Variants in FBXW8 observed in about 807,000 individuals in gnomAD.
FBXW8 encodes the protein F-box and WD repeat domain containing 8.
In FBXW8, 57 loss-of-function variants were observed where a neutral mutation model predicts 65.3. The observed-to-expected ratio is 0.87, with a 90% CI of 0.71 to 1.09. The LOEUF is 1.09. FBXW8 is among the 50% of genes least tolerant of loss of function. The pLI is 0.00. For missense variants in FBXW8, 777 were observed against 814.8 expected (o/e 0.95, Z 0.57); for synonymous variants, 308 against 330.2 (o/e 0.93, Z 0.73).
chr12:116,960,247 G>A (rs1459435719), intron 4 of FBXW8, among the ~76,000 whole-genome samples: 3 of 152,170 alleles, frequency 2.0e-5, no homozygotes, highest in Admixed American at 6.5e-5. Context: ...CCCTACCAAA[G>A]ATGTCTGTTT....
chr12:117,013,343 C>T lies in FBXW8; in HGVS notation c.1367+2893C>T, dbSNP rs117778743. Among the ~76,000 whole-genome samples, 651 of 152,208 alleles carry T rather than the reference C, an allele frequency of 4.3e-3. 2 individuals are homozygous for T. Among genetic ancestry groups the T allele is most frequent in the Admixed American group, 7.3e-3 (111 of 15,290 alleles). The stretch of plus-strand genomic sequence containing the variant: ...TTAATGTTAGAGTATGCTTTTCCCT[C>T]GCTGGGAGGGAAGGCTTGTAAAGAT... On this transcript the variant is annotated intron_variant, in intron 8 of 10. Transcript: ENST00000652555.
At position 116,972,898 on chromosome 12, in the gene FBXW8, A is replaced by G. The variant is rs565516215; in HGVS notation, c.835+8044A>G. On this transcript the variant is annotated intron_variant, in intron 5 of 10. Coordinates refer to ENST00000652555, the MANE Select transcript of FBXW8 (RefSeq NM_153348.3). ...CAGCCCAGCTGTTGAAAGTATCACT[A>G]TCTACTAAAAGGAACCAGGGATGCT... Among the ~76,000 whole-genome samples, 56 of 152,070 alleles carry G rather than the reference A, an allele frequency of 3.7e-4. 1 individual carries two copies. The South Asian group carries it at 0.011, about 30-fold the overall frequency.
chr12:117,002,976 A>T (rs1156434835), intron 7 of FBXW8: 2 of 152,222 alleles, frequency 1.3e-5, no homozygotes, highest in African/African-American at 4.8e-5. Context: ...CAGAATAGCA[A>T]TGTGGGTCGT....
At position 116,961,554 on chromosome 12, in the gene FBXW8, A is replaced by T. The variant is rs1290358974; in HGVS notation, c.678-3143A>T. On this transcript the variant is annotated intron_variant, in intron 4 of 10. Transcript: ENST00000652555. This position sits in a 1 kb window ranked among gnomAD's most constrained non-coding sequence, Gnocchi z 4.4. ...GGTCTCATAATTAAAATTTCATTCA[A>T]TAAGGTGTTAAGATGTAAGACTTTA... is the stretch of plus-strand genomic sequence containing the variant. Among the ~76,000 whole-genome samples, 1 of 152,148 alleles carries T rather than the reference A, an allele frequency of 6.6e-6. No homozygotes were observed. Among genetic ancestry groups the T allele is most frequent in the Admixed American group, 6.5e-5 (1 of 15,270 alleles).
intron 4 of FBXW8, among the ~76,000 whole-genome samples, chr12:116,964,349 T>A (rs992260053): frequency 3.9e-5 from 6 of 152,228 alleles, no homozygotes. Context: ...ATAGTGGGGC[T>A]TATACAAATT....
chr12:117,018,779 T>C (rs1224252747), intron 8 of FBXW8, among the ~76,000 whole-genome samples: 1 of 152,200 alleles, frequency 6.6e-6, no homozygotes, highest in African/African-American at 2.4e-5. Context: ...TCCATGCTGG[T>C]ATCTAAATAC....
rs910685037 is a variant in FBXW8 at position 117,030,816 on chromosome 12, C to T, written c.*2644C>T. 2.6e-5 allele frequency: 4 copies of T among 152,240 alleles called. No homozygotes were observed. Among genetic ancestry groups the T allele is most frequent in the African/African-American group, 9.6e-5 (4 of 41,458 alleles). The allele number at this position is 152,240 out of a possible 1,614,324, so 9.4% of individuals were successfully genotyped here. The stretch of plus-strand genomic sequence containing the variant: ...CAGTGTTTTCTACTGCAAACCTCCA[C>T]ATCCTGGAATCAATCACACTGACAG... On this transcript the variant is annotated 3_prime_UTR_variant, in exon 11 of 11. Transcript: ENST00000652555.
Position 116,949,632 on chromosome 12 carries a change from C to G in FBXW8, c.603C>G (p.Ala201=), listed in dbSNP as rs753094701. The change falls in exon 4 of 11, where the codon GCC becomes GCG. Residue 201 remains alanine, a synonymous_variant. Transcript: ENST00000652555. ...LRTNWKNRKG[A]VSELEHVPDT... is the part of the protein sequence containing the mutation. ...TCCTCACGCAGAATCGCAAAGGTGCCGTGAGCGAGCTGGAGCATGTTCCTG... is the reference window on the plus strand; with the variant it reads ...TCCTCACGCAGAATCGCAAAGGTGCGGTGAGCGAGCTGGAGCATGTTCCTG... The G allele has an allele frequency of 6.2e-7, 1 of 1,614,144 alleles. No homozygotes were observed. Among genetic ancestry groups the G allele is most frequent in the South Asian group, 1.1e-5 (1 of 91,072 alleles).
At chr12:117,018,753 A>G (rs1954018101) in intron 8 of FBXW8, among the ~76,000 whole-genome samples, 1 of 151,640 alleles carries the variant, frequency 6.6e-6, no homozygotes, top group South Asian at 2.1e-4. Flanking sequence ...TTATTTGTTT[A>G]TTTTGTTTGG....
intron 7 of FBXW8, among the ~76,000 whole-genome samples, chr12:117,000,933 G>A (rs1592944291): frequency 1.3e-5 from 2 of 152,340 alleles, no homozygotes; most frequent in East Asian, 3.9e-4. Flanking sequence ...GCTCCACCTA[G>A]TGCCACCTCA....
intron 1 of FBXW8, among the ~76,000 whole-genome samples, chr12:116,913,748 C>G (rs1880184836): frequency 6.6e-6 from 1 of 152,138 alleles, no homozygotes; most frequent in Non-Finnish European, 1.5e-5. Context: ...CCACGCGGTT[C>G]AAACCCATGT....
chr12:116,977,422 T>C (rs897180022), intron 5 of FBXW8: 9 of 152,220 alleles, frequency 5.9e-5, no homozygotes, highest in Non-Finnish European at 1.2e-4. Context: ...CTTTTGTTAG[T>C]GATAGCCTTT....
intron 7 of FBXW8, among the ~76,000 whole-genome samples, chr12:116,993,625 G>A (rs569644854): frequency 2.6e-5 from 4 of 151,996 alleles, no homozygotes; most frequent in East Asian, 1.9e-4. Context: ...ATTTGAGTTC[G>A]TAGTAGATTC....
chr12:116,953,311 G>A (rs1373304072), intron 4 of FBXW8, among the ~76,000 whole-genome samples: 1 of 152,150 alleles, frequency 6.6e-6, no homozygotes, highest in Admixed American at 6.5e-5. Flanking sequence ...GAGGCTCAGG[G>A]CCAGGCTGGG....
chr12:117,018,432 G>A (rs1954010092), intron 8 of FBXW8, among the ~76,000 whole-genome samples: 2 of 152,200 alleles, frequency 1.3e-5, no homozygotes, highest in South Asian at 2.1e-4. Flanking sequence ...GTTTCCCAGC[G>A]TCGAGTATTT....
At chr12:116,977,593 C>T (rs773060304) in intron 5 of FBXW8, 5 of 152,264 alleles carry the variant, frequency 3.3e-5, no homozygotes, top group African/African-American at 4.8e-5. Flanking sequence ...CCACTCCCCT[C>T]CTTAGAGGCA....
At chr12:116,920,983 C>G (rs572423437) in intron 1 of FBXW8, among the ~76,000 whole-genome samples, 1 of 152,264 alleles carries the variant, frequency 6.6e-6, no homozygotes, top group South Asian at 2.1e-4. Flanking sequence ...CCAGTTTAGA[C>G]TAAAAGGGGG....
intron 5 of FBXW8, among the ~76,000 whole-genome samples, chr12:116,969,578 G>A (rs960182641): frequency 6.6e-6 from 1 of 152,186 alleles, no homozygotes; most frequent in Non-Finnish European, 1.5e-5. Context: ...TTACCTTGTG[G>A]GTTCTGCTGT....
At chr12:116,918,985 C>T (rs1171410205) in intron 1 of FBXW8, among the ~76,000 whole-genome samples, 1 of 151,984 alleles carries the variant, frequency 6.6e-6, no homozygotes, top group Admixed American at 6.5e-5. Flanking sequence ...CCTATATACA[C>T]AGAGCAATGA....
Sources: allele counts gnomAD v4.1 joint callset (sites outside exome capture counted in the v4.1 genomes callset), GRCh38; gene constraint gnomAD v4.1.1; non-coding constraint Gnocchi (gnomAD v3.1); transcripts MANE v1.5; gene names NCBI Gene and HGNC (gene_info 2026-07-23, HGNC 2026-07-21).